The following XRCC5 variants were observed in gnomAD, a reference collection of about 807,000 sequenced individuals.
XRCC5 encodes the protein X-ray repair cross complementing 5.
In XRCC5, 12 loss-of-function variants were observed where a neutral mutation model predicts 95.7. The observed-to-expected ratio is 0.13, with a 90% CI of 0.08 to 0.20. The LOEUF is 0.20. Ranked by LOEUF, XRCC5 falls within the 10% of genes least tolerant of loss-of-function variation. XRCC5 has a pLI of 1.00. For synonymous variants in XRCC5, 281 were observed against 290.3 expected, an observed-to-expected ratio of 0.97 and a Z score of 0.33; for missense variants, 595 against 873.9, an observed-to-expected ratio of 0.68 and a Z score of 4.02.
chr2:216,119,563 T>C (rs1193086338), intron 5 of XRCC5, among the ~76,000 whole-genome samples: 1 of 152,194 alleles, frequency 6.6e-6, no homozygotes, highest in African/African-American at 2.4e-5. Context: ...GAGAACTGTG[T>C]CCTATACAGA....
intron 6 of XRCC5, among the ~76,000 whole-genome samples, chr2:216,123,750 G>T (rs1696858025): frequency 6.6e-6 from 1 of 152,232 alleles, no homozygotes; most frequent in Non-Finnish European, 1.5e-5. Context: ...AGGTTGCAAT[G>T]AGCCAAGATC....
intron 12 of XRCC5, among the ~76,000 whole-genome samples, chr2:216,139,108 C>G (rs1019750937): frequency 2.0e-5 from 3 of 152,068 alleles, no homozygotes; most frequent in Non-Finnish European, 4.4e-5. Flanking sequence ...TACTCTGTCT[C>G]TATTTCCTGA....
chr2:216,180,033 C>T (rs987925559), intron 16 of XRCC5, among the ~76,000 whole-genome samples: 1 of 152,132 alleles, frequency 6.6e-6, no homozygotes, highest in Non-Finnish European at 1.5e-5. Flanking sequence ...AAAAATAACT[C>T]CCAAGATTTT....
chr2:216,180,720 A>T lies in XRCC5; in HGVS notation c.1835-9505A>T, dbSNP rs190974290. On this transcript the variant is annotated intron_variant, in intron 16 of 20. Coordinates refer to ENST00000392132, the MANE Select transcript of XRCC5 (RefSeq NM_021141.4). ...AAAGAAGGGCATTCTAAGGAAGGCA[A>T]CCACCTAAGTGATGGCGTGTCCTGA... is the stretch of plus-strand genomic sequence containing the variant. Among the ~76,000 whole-genome samples, 563 of 152,306 alleles carry T rather than the reference A, an allele frequency of 3.7e-3. 4 individuals are homozygous for T. Among genetic ancestry groups the T allele is most frequent in the South Asian group, 8.5e-3 (41 of 4,828 alleles).
chr2:216,200,449 A>G (rs573757844), intron 19 of XRCC5, among the ~76,000 whole-genome samples: 10 of 152,344 alleles, frequency 6.6e-5, no homozygotes, highest in Admixed American at 3.9e-4. Context: ...AGTACAAGAA[A>G]AGTAATAATG....
Position 216,113,120 on chromosome 2 carries a change from A to G in XRCC5, c.126A>G (p.Val42=). The G allele has an allele frequency of 1.9e-6, 3 of 1,613,596 alleles. No homozygotes were observed. The highest frequency in any genetic ancestry group is 1.3e-5 in the African/African-American group (1 of 75,064). ...CAAAGAAGGTGATAACCATGTTTGTACAGCGACAGGTAAGTTTCAGATTGA... is the reference window on the plus strand; with the variant it reads ...CAAAGAAGGTGATAACCATGTTTGTGCAGCGACAGGTAAGTTTCAGATTGA... The part of the protein sequence containing the change: ...EQAKKVITMF[V]QRQVFAENKD... The change falls in exon 2 of 21, where the codon GTA becomes GTG. Residue 42 remains valine (V), a synonymous_variant. Transcript: ENST00000392132.
At chr2:216,188,392 T>G (rs555662289) in intron 16 of XRCC5, among the ~76,000 whole-genome samples, 1 of 152,240 alleles carries the variant, frequency 6.6e-6, no homozygotes, top group South Asian at 2.1e-4. Flanking sequence ...AAGGGCCTTG[T>G]CTTCAACTTA....
intron 14 of XRCC5, among the ~76,000 whole-genome samples, chr2:216,153,547 G>A (rs1688786989): frequency 6.6e-6 from 1 of 152,166 alleles, no homozygotes; most frequent in Non-Finnish European, 1.5e-5. Context: ...TATGTTAAGT[G>A]CTTTACATGA....
intron 19 of XRCC5, among the ~76,000 whole-genome samples, chr2:216,195,934 A>G (rs953999425): frequency 1.4e-4 from 22 of 152,162 alleles, no homozygotes; most frequent in African/African-American, 5.3e-4. Context: ...CCTGCCCTCT[A>G]GAAGCTCGGG....
At chr2:216,148,955 G>A (rs1188892826) in intron 14 of XRCC5, among the ~76,000 whole-genome samples, 1 of 152,134 alleles carries the variant, frequency 6.6e-6, no homozygotes, top group Non-Finnish European at 1.5e-5. Flanking sequence ...AATTATTTGA[G>A]TATGTAAAAT....
intron 14 of XRCC5, among the ~76,000 whole-genome samples, chr2:216,153,017 C>A (rs1224335107): frequency 6.6e-6 from 1 of 152,114 alleles, no homozygotes; most frequent in Non-Finnish European, 1.5e-5. Context: ...AGCTTCTTCC[C>A]TCTAATTACT....
At chr2:216,124,096 A>C (rs975134086) in intron 6 of XRCC5, among the ~76,000 whole-genome samples, 3 of 152,204 alleles carry the variant, frequency 2.0e-5, no homozygotes, top group Non-Finnish European at 4.4e-5. Flanking sequence ...TGAAGTGTCT[A>C]TTGGGCTAGC....
intron 14 of XRCC5, among the ~76,000 whole-genome samples, chr2:216,151,800 C>T (rs1481304020): frequency 6.6e-6 from 1 of 151,988 alleles, no homozygotes; most frequent in Non-Finnish European, 1.5e-5. Flanking sequence ...CAGTAGAGGC[C>T]AATAGGTGGT....
chr2:216,172,180 C>T (rs973746780), intron 16 of XRCC5, among the ~76,000 whole-genome samples: 15 of 152,170 alleles, frequency 9.9e-5, no homozygotes, highest in Non-Finnish European at 1.6e-4. Context: ...AGTAATAACC[C>T]GGTGGTGGAA....
intron 3 of XRCC5, 189 bp from the exon 4 acceptor site, chr2:216,117,557 A>G: frequency 1.9e-6 from 1 of 526,924 alleles, no homozygotes; most frequent in South Asian, 3.2e-5. Flanking sequence ...TTGGCAGAAT[A>G]TATAGTTTGA....
chr2:216,190,460 G>A, intron 17 of XRCC5, 126 bp downstream of exon 17: 1 of 690,216 alleles, frequency 1.4e-6, no homozygotes, highest in Admixed American at 3.1e-5. Flanking sequence ...GAATAGCAGT[G>A]TATGCCAGTG....
intron 10 of XRCC5, among the ~76,000 whole-genome samples, chr2:216,132,674 G>A (rs1697013099): frequency 6.6e-6 from 1 of 152,168 alleles, no homozygotes; most frequent in South Asian, 2.1e-4. Flanking sequence ...TTGGGGTCAG[G>A]TTGACATTTT....
At chr2:216,159,955 TTTCTTC>T (rs200139007) in intron 14 of XRCC5, 107 bp from the exon 15 acceptor site, 3 of 602,334 alleles carry the variant, frequency 5.0e-6, no homozygotes, top group Admixed American at 3.5e-5. Flanking sequence ...TTATTTTTCT[TTTCTTC>T]TTCTTCTTTT....
At chr2:216,174,966 C>T (rs567410903) in intron 16 of XRCC5, 22 of 322,052 alleles carry the variant, frequency 6.8e-5, no homozygotes, top group East Asian at 5.1e-4. Flanking sequence ...AGGAACTCCC[C>T]GAGCTTCTTC....
Sources: gnomAD v4.1 joint callset for allele counts (sites outside exome capture counted in the v4.1 genomes callset) on GRCh38, gnomAD v4.1.1 for gene constraint, MANE v1.5 for transcripts, NCBI Gene and HGNC (gene_info 2026-07-23, HGNC 2026-07-21) for gene names.